The following CNTNAP2 variants were observed in gnomAD, a reference collection of about 807,000 sequenced individuals.
The protein encoded by CNTNAP2 is contactin associated protein 2.
Under a neutral mutation model 155.2 loss-of-function variants are expected in CNTNAP2, and 98 were observed. The observed-to-expected ratio is 0.63, with a 90% CI of 0.54 to 0.75. The LOEUF (loss-of-function observed/expected upper bound fraction) is 0.75. Among genes scored for constraint, CNTNAP2 ranks in the 30% least tolerant of loss-of-function variants. The pLI is 0.00. For missense variants in CNTNAP2, 1,727 were observed against 1,688.1 expected (o/e 1.02, Z -0.40); for synonymous variants, 651 against 631.2 (o/e 1.03, Z -0.47).
chr7:146,769,051 A>G (rs191434387), intron 1 of CNTNAP2, among the ~76,000 whole-genome samples: 1 of 152,312 alleles, frequency 6.6e-6, no homozygotes, highest in African/African-American at 2.4e-5. Flanking sequence ...CTCCAGCTTG[A>G]GTTAGTACAG....
intron 1 of CNTNAP2, among the ~76,000 whole-genome samples, chr7:146,526,827 G>T (rs801948): frequency 0.029 from 4,358 of 152,182 alleles, 206 homozygotes; most frequent in African/African-American, 0.099. Context: ...AATATTTTAA[G>T]ACTCATTACA....
rs114761248 is a variant in CNTNAP2 at position 146,458,158 on chromosome 7, G to A, written c.98-316113G>A. 2.3e-3 allele frequency among the ~76,000 whole-genome samples: 347 copies of A among 152,238 alleles called. 2 individuals carry two copies. Among genetic ancestry groups the A allele is most frequent in the African/African-American group, 8.0e-3 (331 of 41,540 alleles). ...GGGGCCTGTCAGGGGTATGTGGGGA[G>A]GGAGAGCATCAGGAAGAATAGCTAA... is the stretch of plus-strand genomic sequence containing the variant. On this transcript the variant is annotated intron_variant, in intron 1 of 23. Transcript: ENST00000361727.
chr7:146,775,787 T>C (rs1802380208), intron 2 of CNTNAP2, among the ~76,000 whole-genome samples: 1 of 151,968 alleles, frequency 6.6e-6, no homozygotes. Context: ...GCCTAGTGTA[T>C]ACAGAATAAT....
intron 13 of CNTNAP2, chr7:147,850,053 C>T (rs933503111): frequency 1.3e-5 from 2 of 152,134 alleles, no homozygotes; most frequent in South Asian, 2.1e-4. Flanking sequence ...GGGGAAGATC[C>T]TTTTCTGGAA....
intron 8 of CNTNAP2, among the ~76,000 whole-genome samples, chr7:147,247,977 C>A (rs1471411891): frequency 6.6e-6 from 1 of 151,846 alleles, no homozygotes; most frequent in Non-Finnish European, 1.5e-5. Flanking sequence ...AAGAGGAGGC[C>A]AGAAAGAAAA....
At chr7:148,040,076 C>T (rs906457069) in intron 15 of CNTNAP2, among the ~76,000 whole-genome samples, 27 of 152,120 alleles carry the variant, frequency 1.8e-4, no homozygotes, top group African/African-American at 6.0e-4. Flanking sequence ...CTTCAGATGC[C>T]GGCTCTTTCT....
intron 3 of CNTNAP2, among the ~76,000 whole-genome samples, chr7:146,869,668 G>C (rs1021677536): frequency 6.6e-6 from 1 of 152,086 alleles, no homozygotes; most frequent in African/African-American, 2.4e-5. Context: ...CAAACCACTG[G>C]TATAAGTCCA....
intron 22 of CNTNAP2, chr7:148,389,911 C>G (rs1325602709): frequency 6.6e-6 from 1 of 152,148 alleles, no homozygotes; most frequent in East Asian, 1.9e-4. Context: ...TACTAAACCC[C>G]TGACGGACCA....
At chr7:147,085,490 G>A (rs962221303) in intron 4 of CNTNAP2, among the ~76,000 whole-genome samples, 3 of 152,178 alleles carry the variant, frequency 2.0e-5, no homozygotes, top group Non-Finnish European at 2.9e-5. Flanking sequence ...ATGATCTGAA[G>A]TGGAACAACT....
At chr7:146,141,380 G>A (rs944430687) in intron 1 of CNTNAP2, among the ~76,000 whole-genome samples, 1 of 152,092 alleles carries the variant, frequency 6.6e-6, no homozygotes, top group Non-Finnish European at 1.5e-5. Flanking sequence ...AATTTTGTGT[G>A]TAGATAGACT....
At chr7:147,073,841 G>T (rs1799945421) in intron 4 of CNTNAP2, among the ~76,000 whole-genome samples, 1 of 152,090 alleles carries the variant, frequency 6.6e-6, no homozygotes, top group South Asian at 2.1e-4. Flanking sequence ...GGAAGGGACG[G>T]AAATTTAAAC....
chr7:147,897,520 CT>C lies in CNTNAP2; in HGVS notation c.2099-6040del, dbSNP rs765035606. Among the ~76,000 whole-genome samples, 12 of 152,236 alleles carry C rather than the reference CT, an allele frequency of 7.9e-5. No individual in the cohort carries two copies. In the East Asian group the frequency reaches 1.9e-3, roughly 25 times the overall value. ...TTGAGAGAATTTAGCATGAGGTCAG[CT>C]TTTTGAATGCAATGCAAAAAATGAA... On this transcript the variant is annotated intron_variant, in intron 13 of 23. Coordinates refer to ENST00000361727, the MANE Select transcript of CNTNAP2 (RefSeq NM_014141.6).
intron 1 of CNTNAP2, among the ~76,000 whole-genome samples, chr7:146,389,781 A>G (rs1382541686): frequency 6.6e-6 from 1 of 150,550 alleles, no homozygotes; most frequent in Non-Finnish European, 1.5e-5. Flanking sequence ...GCTCACTGCA[A>G]GCTCTGCCTT....
intron 10 of CNTNAP2, among the ~76,000 whole-genome samples, chr7:147,457,372 C>T (rs995687112): frequency 2.0e-5 from 3 of 152,072 alleles, no homozygotes; most frequent in South Asian, 2.1e-4. Context: ...AACGCTCAGC[C>T]GGAAATTCTT....
intron 12 of CNTNAP2, among the ~76,000 whole-genome samples, chr7:147,595,778 G>T (rs1800816065): frequency 6.6e-6 from 1 of 152,154 alleles, no homozygotes; most frequent in South Asian, 2.1e-4. Flanking sequence ...CGTAGTTGCT[G>T]AGTCTGGAGT....
At chr7:146,117,233 TAG>T (rs1304415551) in intron 1 of CNTNAP2, 3 of 520,532 alleles carry the variant, frequency 5.8e-6, no homozygotes, top group African/African-American at 5.7e-5. Flanking sequence ...AGAGCTTGGC[TAG>T]AGAGACTGAT....
chr7:148,327,588 A>G (rs1797914794), intron 21 of CNTNAP2, among the ~76,000 whole-genome samples: 1 of 152,154 alleles, frequency 6.6e-6, no homozygotes, highest in Non-Finnish European at 1.5e-5. Context: ...ACAAAGACAT[A>G]TTACCCAACT....
chr7:148,275,932 A>G (rs948369945), intron 21 of CNTNAP2, among the ~76,000 whole-genome samples: 2 of 152,196 alleles, frequency 1.3e-5, no homozygotes, highest in African/African-American at 4.8e-5. Context: ...CGGTTGTGAC[A>G]TCTTTGGAAA....
intron 1 of CNTNAP2, among the ~76,000 whole-genome samples, chr7:146,223,614 T>G (rs977679049): frequency 6.6e-6 from 1 of 152,218 alleles, no homozygotes; most frequent in Non-Finnish European, 1.5e-5. Context: ...TCTGGCAATC[T>G]TGACTCTAGA....
Sources: allele counts gnomAD v4.1 joint callset (sites outside exome capture counted in the v4.1 genomes callset), GRCh38; gene constraint gnomAD v4.1.1; transcripts MANE v1.5; gene names NCBI Gene and HGNC (gene_info 2026-07-23, HGNC 2026-07-21).